RAP1A: variants seen among roughly 807,000 people sequenced by gnomAD.
RAP1A encodes the protein ras-related protein Rap-1A.
Under a neutral mutation model 26.4 loss-of-function variants are expected in RAP1A, and 6 were observed. That is an observed-to-expected ratio of 0.23 (90% CI 0.12 to 0.45). The LOEUF (loss-of-function observed/expected upper bound fraction) is 0.45, where lower values mean the gene tolerates loss of function less well. Among genes scored for constraint, RAP1A ranks in the 20% least tolerant of loss-of-function variants. The pLI, the probability that RAP1A is intolerant of heterozygous loss-of-function variation, is 0.99. For missense variants in RAP1A, 121 were observed against 217.2 expected (o/e 0.56, Z 2.78); for synonymous variants, 73 against 79.4 (o/e 0.92, Z 0.43).
At chr1:111,599,791 T>G (rs12047884) in intron 1 of RAP1A, 72,062 of 151,774 alleles carry the variant, frequency 0.47, 17,235 homozygotes, top group Middle Eastern at 0.56. Flanking sequence ...CCAAGTCTCA[T>G]GTTGAAATGT....
At chr1:111,574,951 AAAAATCCAC>A in intron 1 of RAP1A, among the ~76,000 whole-genome samples, 1 of 152,346 alleles carries the variant, frequency 6.6e-6, no homozygotes, top group Non-Finnish European at 1.5e-5. Context: ...ACTCCAAAAT[AAAAATCCAC>A]AAACATATAT....
At chr1:111,569,430 C>T (rs12409044) in intron 1 of RAP1A, among the ~76,000 whole-genome samples, 8,279 of 151,626 alleles carry the variant, frequency 0.055, 582 homozygotes, top group Admixed American at 0.22. Flanking sequence ...GGATTTCCGA[C>T]CGTGCCAGGG....
intron 1 of RAP1A, among the ~76,000 whole-genome samples, chr1:111,583,876 C>CTTT (rs71099920): frequency 2.4e-4 from 22 of 90,072 alleles, no homozygotes; most frequent in African/African-American, 4.2e-4. Context: ...ATTGTTATTT[C>CTTT]TTTTTTTTTT....
At chr1:111,564,657 C>A (rs372901810) in intron 1 of RAP1A, among the ~76,000 whole-genome samples, 1 of 151,994 alleles carries the variant, frequency 6.6e-6, no homozygotes, top group East Asian at 2.0e-4. Flanking sequence ...GGACCACAGG[C>A]GCCCACCACC....
chr1:111,687,526 T>C (rs1441796801), intron 1 of RAP1A, among the ~76,000 whole-genome samples: 4 of 152,162 alleles, frequency 2.6e-5, no homozygotes, highest in African/African-American at 9.7e-5. Context: ...ATTTTGTTTG[T>C]TTTTTAGTGG....
At chr1:111,641,634 C>CGT (rs138608546) in intron 1 of RAP1A, among the ~76,000 whole-genome samples, 37 of 151,190 alleles carry the variant, frequency 2.4e-4, no homozygotes, top group East Asian at 5.8e-4. Flanking sequence ...GGGGTGTGTG[C>CGT]GTGTGTGTGT....
chr1:111,680,489 GC>G (rs1661257531), intron 1 of RAP1A: 1 of 152,242 alleles, frequency 6.6e-6, no homozygotes, highest in African/African-American at 2.4e-5. Flanking sequence ...GACATAGAGT[GC>G]TGATTGGTGT....
chr1:111,644,273 C>T (rs1659997579), intron 1 of RAP1A, among the ~76,000 whole-genome samples: 2 of 152,122 alleles, frequency 1.3e-5, no homozygotes, highest in South Asian at 4.1e-4. Flanking sequence ...TGTTGAATAA[C>T]AGAATTTAAG....
chr1:111,555,459 T>G (rs1033491567), intron 1 of RAP1A, among the ~76,000 whole-genome samples: 3 of 151,238 alleles, frequency 2.0e-5, no homozygotes, highest in African/African-American at 7.3e-5. Flanking sequence ...ATAATTAAAT[T>G]TGAAACTCTG....
At chr1:111,543,981 T>G (rs942235903) in intron 1 of RAP1A, among the ~76,000 whole-genome samples, 3 of 152,170 alleles carry the variant, frequency 2.0e-5, no homozygotes, top group South Asian at 4.1e-4. Context: ...GTTTCTAAAT[T>G]TTATTTCTAA....
chr1:111,664,343 C>T (rs1381704074), intron 1 of RAP1A, among the ~76,000 whole-genome samples: 6 of 122,956 alleles, frequency 4.9e-5, no homozygotes, highest in African/African-American at 1.5e-4. Flanking sequence ...AACTGCACTA[C>T]AGCCTGGGCA....
At chr1:111,570,995 C>T (rs927229351) in intron 1 of RAP1A, among the ~76,000 whole-genome samples, 3 of 152,196 alleles carry the variant, frequency 2.0e-5, no homozygotes, top group Admixed American at 1.3e-4. Context: ...ACTACTGGAG[C>T]TGGCACAGAC....
chr1:111,679,051 C>T (rs915684308), intron 1 of RAP1A, among the ~76,000 whole-genome samples: 1 of 152,052 alleles, frequency 6.6e-6, no homozygotes. Flanking sequence ...TCCTCAGAAC[C>T]CAGATAAATG....
intron 1 of RAP1A, among the ~76,000 whole-genome samples, chr1:111,592,721 G>C (rs935900022): frequency 2.0e-5 from 3 of 152,120 alleles, no homozygotes; most frequent in African/African-American, 7.2e-5. Context: ...CCTTCCCGTT[G>C]TTGCTTTTGG....
At chr1:111,655,302 T>C (rs1019123105) in intron 1 of RAP1A, among the ~76,000 whole-genome samples, 3 of 146,432 alleles carry the variant, frequency 2.0e-5, no homozygotes, top group Non-Finnish European at 4.5e-5. Context: ...TTGAGCGTGA[T>C]AAACAGCTAA....
chr1:111,546,984 G>A (rs1471569780), intron 1 of RAP1A, among the ~76,000 whole-genome samples: 1 of 152,156 alleles, frequency 6.6e-6, no homozygotes, highest in African/African-American at 2.4e-5. Flanking sequence ...ATCCTAAGGA[G>A]TGTAAAGTGG....
At chr1:111,569,789 T>C (rs763333995) in intron 1 of RAP1A, among the ~76,000 whole-genome samples, 16 of 152,150 alleles carry the variant, frequency 1.1e-4, no homozygotes, top group Non-Finnish European at 2.2e-4. Context: ...GTAGCTGTAC[T>C]ACCTGCTCAG....
At chr1:111,635,870 G>A (rs1659715356) in intron 1 of RAP1A, among the ~76,000 whole-genome samples, 1 of 152,048 alleles carries the variant, frequency 6.6e-6, no homozygotes, top group African/African-American at 2.4e-5. Flanking sequence ...ACTGTGCCTG[G>A]CCAGCATTGA....
At chr1:111,550,828 T>G (rs1657227345) in intron 1 of RAP1A, among the ~76,000 whole-genome samples, 1 of 152,268 alleles carries the variant, frequency 6.6e-6, no homozygotes, top group Non-Finnish European at 1.5e-5. Flanking sequence ...AGAACATATT[T>G]TATGTAATTT....
Sources: gnomAD v4.1 joint callset for allele counts (sites outside exome capture counted in the v4.1 genomes callset) on GRCh38, gnomAD v4.1.1 for gene constraint, MANE v1.5 for transcripts, NCBI Gene and HGNC (gene_info 2026-07-23, HGNC 2026-07-21) for gene names.